Variants in NOL10 observed in about 807,000 individuals in gnomAD.
NOL10 encodes nucleolar protein 10.
In NOL10, 58 loss-of-function variants were observed where a neutral mutation model predicts 103.5. The observed-to-expected ratio is 0.56, with a 90% confidence interval of 0.45 to 0.70. The LOEUF (loss-of-function observed/expected upper bound fraction) is 0.70. NOL10 is among the 30% of genes least tolerant of loss of function. The pLI is 0.00. For synonymous variants in NOL10, 287 were observed against 282.5 expected, an observed-to-expected ratio of 1.02 and a Z score of -0.16; for missense variants, 763 against 807.3, an observed-to-expected ratio of 0.95 and a Z score of 0.67.
At chr2:10,594,857 G>A (rs1675583341) in intron 17 of NOL10, among the ~76,000 whole-genome samples, 1 of 151,944 alleles carries the variant, frequency 6.6e-6, no homozygotes, top group South Asian at 2.1e-4. Flanking sequence ...TATATTAGCT[G>A]GGTGTGGTGT....
chr2:10,572,533 GA>G (rs1237945817), intron 20 of NOL10, among the ~76,000 whole-genome samples: 1 of 152,114 alleles, frequency 6.6e-6, no homozygotes, highest in Non-Finnish European at 1.5e-5. Flanking sequence ...TGTTTTAAAA[GA>G]GCCTACACAA....
intron 13 of NOL10, among the ~76,000 whole-genome samples, chr2:10,615,980 T>G (rs1232657372): frequency 6.6e-6 from 1 of 152,030 alleles, no homozygotes; most frequent in Non-Finnish European, 1.5e-5. Context: ...AGTCTAGACA[T>G]CAAACTGTGG....
At chr2:10,683,508 G>T (rs1406471808) in intron 2 of NOL10, among the ~76,000 whole-genome samples, 4 of 152,190 alleles carry the variant, frequency 2.6e-5, no homozygotes, top group Non-Finnish European at 5.9e-5. Flanking sequence ...TTAGGGACCT[G>T]TTAGGAGAGA....
intron 19 of NOL10, among the ~76,000 whole-genome samples, chr2:10,581,532 A>T (rs1468933006): frequency 6.6e-6 from 1 of 152,194 alleles, no homozygotes; most frequent in Non-Finnish European, 1.5e-5. Flanking sequence ...AGCAAGTTAA[A>T]ACAGTATAAT....
At chr2:10,583,262 G>C (rs971211130) in intron 19 of NOL10, among the ~76,000 whole-genome samples, 14 of 152,304 alleles carry the variant, frequency 9.2e-5, no homozygotes, top group Middle Eastern at 3.4e-3. Flanking sequence ...TACATCACAG[G>C]CATTTGTATT....
intron 3 of NOL10, among the ~76,000 whole-genome samples, chr2:10,678,041 T>A (rs1041732446): frequency 5.3e-5 from 8 of 151,852 alleles, no homozygotes; most frequent in African/African-American, 1.9e-4. Context: ...TCCACTGTCG[T>A]TTGTTTTTGG....
intron 17 of NOL10, among the ~76,000 whole-genome samples, chr2:10,598,914 T>C (rs1327500548): frequency 6.6e-6 from 1 of 152,268 alleles, no homozygotes; most frequent in Non-Finnish European, 1.5e-5. Context: ...GAGTTTTTAA[T>C]GTTTTGTCAA....
At position 10,664,733 on chromosome 2, in the gene NOL10, G is replaced by C. The variant is rs534306007; in HGVS notation, c.592-1689C>G. 7.2e-5 allele frequency among the ~76,000 whole-genome samples: 11 copies of C among 152,196 alleles called. No homozygotes were observed. The East Asian group carries it at 2.1e-3, about 29-fold the overall frequency. ...GGATTTTTGGTAGAGAAGAGGTGTC[G>C]CCATGTTGCCCAGGCTGGTCTCGAA... On this transcript the variant is annotated intron_variant, in intron 8 of 20. Coordinates refer to ENST00000381685, the MANE Select transcript of NOL10 (RefSeq NM_024894.4).
rs577734213 is a variant in NOL10, at chr2:10,609,468, C to T, written c.1027-2157G>A. On this transcript the variant is annotated intron_variant, in intron 13 of 20. Coordinates refer to ENST00000381685, the MANE Select transcript of NOL10 (RefSeq NM_024894.4). ...AAAAAAAAAAAATCAGGCGCGGTGG[C>T]GGATGCCTGTAGTCCCAGTTACTCG... Among the ~76,000 whole-genome samples, 969 of 147,614 alleles carry T rather than the reference C, an allele frequency of 6.6e-3. 9 individuals are homozygous for T. Among genetic ancestry groups the T allele is most frequent in the Non-Finnish European group, 0.01 (706 of 67,420 alleles).
intron 1 of NOL10, among the ~76,000 whole-genome samples, chr2:10,688,980 G>A (rs943003921): frequency 6.6e-6 from 1 of 152,330 alleles, no homozygotes; most frequent in Admixed American, 6.5e-5. Flanking sequence ...GGCCAACAGT[G>A]GCATGCTATA....
chr2:10,671,329 TTG>T (rs1680918099), intron 6 of NOL10, among the ~76,000 whole-genome samples: 1 of 152,134 alleles, frequency 6.6e-6, no homozygotes, highest in South Asian at 2.1e-4. Flanking sequence ...AAAACAACAG[TTG>T]TTAAAACAGT....
intron 13 of NOL10, among the ~76,000 whole-genome samples, chr2:10,634,209 C>G (rs900038956): frequency 6.6e-6 from 1 of 152,072 alleles, no homozygotes; most frequent in African/African-American, 2.4e-5. Flanking sequence ...AAAGCAGAAG[C>G]AGAAAGATCA....
intron 13 of NOL10, among the ~76,000 whole-genome samples, chr2:10,616,179 G>A (rs957570227): frequency 1.3e-5 from 2 of 151,096 alleles, no homozygotes; most frequent in African/African-American, 4.9e-5. Context: ...TAGCTGAAGG[G>A]TCCACATGAA....
At chr2:10,607,092 TA>T in intron 14 of NOL10, 92 bp downstream of exon 14, 1 of 772,346 alleles carries the variant, frequency 1.3e-6, no homozygotes, top group Non-Finnish European at 1.9e-6. Flanking sequence ...GGAGATGAGG[TA>T]AACATGGCTC....
At chr2:10,689,441 G>C (rs555944907) in intron 1 of NOL10, among the ~76,000 whole-genome samples, 227 of 152,338 alleles carry the variant, frequency 1.5e-3, no homozygotes, top group African/African-American at 5.2e-3. Flanking sequence ...ATGGGGGAGA[G>C]ATGTGTCAAC....
chr2:10,598,863 T>C (rs966129575), intron 17 of NOL10, among the ~76,000 whole-genome samples: 2 of 152,216 alleles, frequency 1.3e-5, no homozygotes, highest in African/African-American at 2.4e-5. Context: ...TACAATATAA[T>C]GAAAAGATCC....
intron 1 of NOL10, 98 bp downstream of exon 1, chr2:10,689,698 A>C: frequency 8.1e-7 from 1 of 1,233,916 alleles, no homozygotes; most frequent in Non-Finnish European, 1.2e-6. Context: ...ACCAGCGTCC[A>C]GCTAAAACAG....
intron 13 of NOL10, among the ~76,000 whole-genome samples, chr2:10,627,604 G>A (rs982829136): frequency 6.6e-6 from 1 of 152,096 alleles, no homozygotes; most frequent in Non-Finnish European, 1.5e-5. Flanking sequence ...GAACCCGGGA[G>A]GCGGAGGTTG....
At chr2:10,672,132 A>C (rs901151372) in intron 5 of NOL10, among the ~76,000 whole-genome samples, 6 of 152,116 alleles carry the variant, frequency 3.9e-5, no homozygotes, top group African/African-American at 1.4e-4. Context: ...GCTTGAGACC[A>C]GCCTGACCAA....
Sources: gnomAD v4.1 joint callset for allele counts (sites outside exome capture counted in the v4.1 genomes callset) on GRCh38, gnomAD v4.1.1 for gene constraint, MANE v1.5 for transcripts, NCBI Gene and HGNC (gene_info 2026-07-23, HGNC 2026-07-21) for gene names.